RAP1GAP2: variants seen among roughly 807,000 people sequenced by gnomAD.
The protein encoded by RAP1GAP2 is rap1 GTPase-activating protein 2.
RAP1GAP2 carries 27 observed loss-of-function variants against 95.0 expected under a neutral mutation model. That is an observed-to-expected ratio of 0.28 (90% CI 0.21 to 0.39). RAP1GAP2 has a LOEUF of 0.39. Among genes scored for constraint, RAP1GAP2 ranks in the 10% least tolerant of loss-of-function variants. The pLI is 1.00. For missense variants in RAP1GAP2, 771 were observed against 970.0 expected (o/e 0.79, Z 2.72); for synonymous variants, 373 against 380.9 (o/e 0.98, Z 0.24).
At chr17:2,962,777 G>A in intron 5 of RAP1GAP2, 63 bp downstream of exon 5, 2 of 1,440,086 alleles carry the variant, frequency 1.4e-6, no homozygotes, top group Non-Finnish European at 1.9e-6. Context: ...CGAGAGGAAG[G>A]CAGGAGGGGC....
chr17:2,983,056 G>A (rs934856566), intron 10 of RAP1GAP2, among the ~76,000 whole-genome samples: 6 of 152,194 alleles, frequency 3.9e-5, no homozygotes, highest in Non-Finnish European at 7.3e-5. Context: ...CAGCAGCGCC[G>A]TCGCTGGGGG....
At chr17:2,936,875 A>G (rs2043325162) in intron 3 of RAP1GAP2, among the ~76,000 whole-genome samples, 1 of 152,152 alleles carries the variant, frequency 6.6e-6, no homozygotes, top group Non-Finnish European at 1.5e-5. Context: ...CGTTTTCCGG[A>G]TTGTAATTAT....
Position 2,800,855 on chromosome 17 carries a change from C to CT in RAP1GAP2, c.80+318dup, listed in dbSNP as rs869143308. 6.1e-3 allele frequency among the ~76,000 whole-genome samples: 313 copies of CT among 51,580 alleles called. 1 individual carries two copies. Among genetic ancestry groups the CT allele is most frequent in the Admixed American group, 0.012 (48 of 4,144 alleles). The allele number at this position is 51,580 out of a possible 152,430, so 33.8% of individuals were successfully genotyped here. The stretch of plus-strand genomic sequence containing the variant: ...TTTCTTTTTCTTTCTTTCTTTCTTT[C>CT]TTTTTTTTTTTTTGAGACGGAGTCT... On this transcript the variant is annotated intron_variant, in intron 2 of 24. Coordinates refer to ENST00000254695, the MANE Select transcript of RAP1GAP2 (RefSeq NM_015085.5).
At chr17:2,828,432 G>A (rs199618021) in intron 2 of RAP1GAP2, among the ~76,000 whole-genome samples, 1 of 142,438 alleles carries the variant, frequency 7.0e-6, no homozygotes, top group Non-Finnish European at 1.5e-5. Context: ...AAAAAAAAAA[G>A]AAGTGGCATT....
intron 2 of RAP1GAP2, among the ~76,000 whole-genome samples, chr17:2,894,505 C>T (rs946167064): frequency 6.6e-6 from 1 of 152,174 alleles, no homozygotes; most frequent in African/African-American, 2.4e-5. Context: ...CTCCCGTGGC[C>T]TCAGCTTCCA....
intron 1 of RAP1GAP2, among the ~76,000 whole-genome samples, chr17:2,769,929 G>A (rs985128942): frequency 6.6e-6 from 1 of 151,592 alleles, no homozygotes; most frequent in Non-Finnish European, 1.5e-5. Context: ...AAAAATTAGC[G>A]AGGCGTGGTG....
intron 2 of RAP1GAP2, among the ~76,000 whole-genome samples, chr17:2,802,736 G>A (rs1379477281): frequency 3.9e-5 from 6 of 152,080 alleles, no homozygotes; most frequent in Admixed American, 3.9e-4. Flanking sequence ...TGCCAGGAGT[G>A]CCATGGAGTA....
chr17:2,758,492 C>A (rs2071190302), intron 1 of RAP1GAP2, among the ~76,000 whole-genome samples: 1 of 152,066 alleles, frequency 6.6e-6, no homozygotes, highest in Non-Finnish European at 1.5e-5. Flanking sequence ...ATTTTTAGTG[C>A]CGTAATTGGG....
At chr17:2,786,290 G>C (rs935541418) in intron 1 of RAP1GAP2, among the ~76,000 whole-genome samples, 8 of 152,232 alleles carry the variant, frequency 5.3e-5, no homozygotes, top group Non-Finnish European at 1.0e-4. Context: ...ACTGGGGCTG[G>C]AATCCGTGTG....
chr17:2,940,509 A>G (rs906678456), intron 3 of RAP1GAP2, among the ~76,000 whole-genome samples: 1 of 152,178 alleles, frequency 6.6e-6, no homozygotes, highest in Non-Finnish European at 1.5e-5. Context: ...CCTGGCCTGG[A>G]CGCTTGGAGC....
chr17:2,756,605 G>C (rs2071152075), intron 1 of RAP1GAP2, among the ~76,000 whole-genome samples: 1 of 152,136 alleles, frequency 6.6e-6, no homozygotes, highest in Non-Finnish European at 1.5e-5. Context: ...AGATTCAAAA[G>C]AGAATGTCGG....
upstream of RAP1GAP2, among the ~76,000 whole-genome samples, chr17:2,776,371 C>A (rs982582856): frequency 1.3e-5 from 2 of 152,240 alleles, no homozygotes; most frequent in Non-Finnish European, 2.9e-5. Flanking sequence ...CCCATTGCCC[C>A]CATTGCCCCC....
intron 8 of RAP1GAP2, among the ~76,000 whole-genome samples, chr17:2,967,637 C>T (rs955276003): frequency 6.6e-6 from 1 of 152,180 alleles, no homozygotes; most frequent in African/African-American, 2.4e-5. Flanking sequence ...AGAAGCCGTA[C>T]CCCAGCTCGG....
At chr17:2,994,616 G>T (rs2045890867) in intron 12 of RAP1GAP2, among the ~76,000 whole-genome samples, 1 of 152,226 alleles carries the variant, frequency 6.6e-6, no homozygotes, top group African/African-American at 2.4e-5. Context: ...AGGATGGCTG[G>T]CTGCCCTAGC....
rs545535227 is a variant in RAP1GAP2 at position 2,863,096 on chromosome 17, T to C, written c.81-42188T>C. Among the ~76,000 whole-genome samples, 100 of 151,428 alleles carry C rather than the reference T, an allele frequency of 6.6e-4. 1 individual carries two copies. Among genetic ancestry groups the C allele is most frequent in the African/African-American group, 2.3e-3 (96 of 41,260 alleles). The stretch of plus-strand genomic sequence containing the variant: ...GTGCCCGGGGTACCCTTTATACCCA[T>C]GGCAGAAGGAAGAACATGGCTGGTA... On this transcript the variant is annotated intron_variant, in intron 2 of 24. Transcript: ENST00000254695.
chr17:2,935,938 T>A (rs2043294875), intron 3 of RAP1GAP2, among the ~76,000 whole-genome samples: 1 of 152,094 alleles, frequency 6.6e-6, no homozygotes, highest in African/African-American at 2.4e-5. Context: ...ATTTTATAAA[T>A]GAATGATCAC....
intron 10 of RAP1GAP2, among the ~76,000 whole-genome samples, chr17:2,983,075 A>G (rs2045426974): frequency 6.6e-6 from 1 of 152,170 alleles, no homozygotes; most frequent in Admixed American, 6.5e-5. Flanking sequence ...GGAGCTGCGA[A>G]GCGTCCGTTT....
chr17:2,790,307 T>C (rs1404501067), intron 1 of RAP1GAP2, among the ~76,000 whole-genome samples: 3 of 152,206 alleles, frequency 2.0e-5, no homozygotes, highest in Admixed American at 6.5e-5. Context: ...AGACGGGGTT[T>C]CTCCATGTTG....
chr17:2,771,771 TGA>T (rs1424937829), intron 2 of RAP1GAP2, among the ~76,000 whole-genome samples: 1 of 152,158 alleles, frequency 6.6e-6, no homozygotes, highest in East Asian at 1.9e-4. Context: ...ATTACAAGCG[TGA>T]GCCACTGTGC....
Sources: gnomAD v4.1 joint callset for allele counts (sites outside exome capture counted in the v4.1 genomes callset) on GRCh38, gnomAD v4.1.1 for gene constraint, MANE v1.5 for transcripts, NCBI Gene and HGNC (gene_info 2026-07-23, HGNC 2026-07-21) for gene names.